ACVR1C: variants seen among roughly 807,000 people sequenced by gnomAD.
The protein encoded by ACVR1C is activin receptor type-1C.
In ACVR1C, 23 loss-of-function variants were observed where a neutral mutation model predicts 57.9. The observed-to-expected ratio is 0.40, with a 90% CI of 0.29 to 0.56. The LOEUF is 0.56. Ranked by LOEUF, ACVR1C falls within the 20% of genes least tolerant of loss-of-function variation. The pLI is 0.50. For missense variants in ACVR1C, 480 were observed against 607.9 expected (o/e 0.79, Z 2.21); for synonymous variants, 214 against 215.3 (o/e 0.99, Z 0.05).
intron 2 of ACVR1C, among the ~76,000 whole-genome samples, chr2:157,574,967 T>C (rs1441195215): frequency 5.3e-5 from 8 of 152,074 alleles, no homozygotes; most frequent in Non-Finnish European, 1.2e-4. Flanking sequence ...TATTTTTTAT[T>C]TAATTTTTTT....
rs948263524 is a variant in ACVR1C at position 157,592,054 on chromosome 2, T to C, written c.74-4637A>G. ...TGATAACTAATTAACAATTGAAAAC[T>C]AGGATTCTGATCTGTATTATTCTAA... On this transcript the variant is annotated intron_variant, in intron 1 of 8. Transcript: ENST00000243349. 2.6e-5 allele frequency among the ~76,000 whole-genome samples: 4 copies of C among 152,122 alleles called. No homozygotes were observed. In the East Asian group the frequency reaches 7.7e-4, roughly 29 times the overall value.
chr2:157,605,252 C>T (rs779152653), intron 1 of ACVR1C, among the ~76,000 whole-genome samples: 2 of 151,654 alleles, frequency 1.3e-5, no homozygotes, highest in Non-Finnish European at 3.0e-5. Flanking sequence ...CAATGTGCCT[C>T]TCCTTTTGTC....
intron 3 of ACVR1C, among the ~76,000 whole-genome samples, chr2:157,554,689 A>G (rs1688049107): frequency 6.6e-6 from 1 of 152,180 alleles, no homozygotes; most frequent in Non-Finnish European, 1.5e-5. Context: ...CTAAATATGG[A>G]TGCACATAGA....
intron 1 of ACVR1C, among the ~76,000 whole-genome samples, chr2:157,605,490 A>G (rs1682371644): frequency 6.6e-6 from 1 of 151,734 alleles, no homozygotes; most frequent in Admixed American, 6.6e-5. Context: ...TAATAAACTG[A>G]CAACACTGAG....
intron 2 of ACVR1C, among the ~76,000 whole-genome samples, chr2:157,566,515 G>C (rs999041767): frequency 1.3e-5 from 2 of 152,204 alleles, no homozygotes; most frequent in African/African-American, 2.4e-5. Flanking sequence ...CACCGTGCGC[G>C]AGCCGAAGCA....
chr2:157,591,022 T>C (rs1000075866), intron 1 of ACVR1C, among the ~76,000 whole-genome samples: 4 of 152,022 alleles, frequency 2.6e-5, no homozygotes, highest in African/African-American at 9.7e-5. Flanking sequence ...GGAAATACTA[T>C]ATAAAGACTT....
chr2:157,595,071 T>C lies in ACVR1C; in HGVS notation c.74-7654A>G, dbSNP rs769666832. On this transcript the variant is annotated intron_variant, in intron 1 of 8. Transcript: ENST00000243349. Reference sequence around the variant, plus strand: ...AAGAAAGCTTTTTCCAGAAATACCATGAATAACCTTAGCTGCTAAGCTCCT... The same window carrying C: ...AAGAAAGCTTTTTCCAGAAATACCACGAATAACCTTAGCTGCTAAGCTCCT... 8.5e-5 allele frequency among the ~76,000 whole-genome samples: 13 copies of C among 152,254 alleles called. 1 individual carries two copies. The highest frequency in any genetic ancestry group is 1.8e-4 in the Non-Finnish European group (12 of 68,036).
At chr2:157,622,974 G>T (rs1187636192) in intron 1 of ACVR1C, among the ~76,000 whole-genome samples, 6 of 152,072 alleles carry the variant, frequency 3.9e-5, no homozygotes, top group Non-Finnish European at 7.4e-5. Flanking sequence ...TTTCCCAAAA[G>T]ATGACATACA....
At chr2:157,542,909 T>C (rs1448053561) in intron 5 of ACVR1C, 47 bp from the exon 6 acceptor site, 2 of 1,562,060 alleles carry the variant, frequency 1.3e-6, no homozygotes, top group Non-Finnish European at 1.7e-6. Context: ...TACCGGAGAC[T>C]GTTCAAGAGA....
chr2:157,547,161 G>T (rs1687780607), intron 4 of ACVR1C, among the ~76,000 whole-genome samples: 1 of 131,118 alleles, frequency 7.6e-6, no homozygotes, highest in Non-Finnish European at 1.6e-5. Context: ...CATTTTTTAT[G>T]GCTGCATAGT....
chr2:157,592,673 G>T (rs1023400909), intron 1 of ACVR1C, among the ~76,000 whole-genome samples: 1 of 152,018 alleles, frequency 6.6e-6, no homozygotes, highest in Non-Finnish European at 1.5e-5. Flanking sequence ...CACTGCATTT[G>T]ACATATAATT....
Position 157,559,934 on chromosome 2 carries a change from AAG to A in ACVR1C, c.305-3604_305-3603del, listed in dbSNP as rs369378146. On this transcript the variant is annotated intron_variant, in intron 2 of 8. Transcript: ENST00000243349. ...GGAAGGAAGAAGGAAGGAAAAAGGA[AAG>A]AGAGAGAGAAGCAAGGAGGCAGGGA... 1.1e-3 allele frequency among the ~76,000 whole-genome samples: 168 copies of A among 151,784 alleles called. 1 individual carries two copies. The highest frequency in any genetic ancestry group is 3.9e-3 in the African/African-American group (162 of 41,394).
intron 2 of ACVR1C, among the ~76,000 whole-genome samples, chr2:157,562,214 G>A (rs901433978): frequency 6.6e-6 from 1 of 151,076 alleles, no homozygotes; most frequent in Non-Finnish European, 1.5e-5. Flanking sequence ...AGAATCGCTT[G>A]AACCCAGTAG....
intron 4 of ACVR1C, among the ~76,000 whole-genome samples, chr2:157,545,245 A>T (rs1687724073): frequency 6.6e-6 from 1 of 152,230 alleles, no homozygotes; most frequent in African/African-American, 2.4e-5. Context: ...ACTTTTCTAC[A>T]TATTAGTAGA....
chr2:157,544,669 GC>G, intron 4 of ACVR1C, 57 bp from the exon 5 acceptor site: 1 of 1,454,534 alleles, frequency 6.9e-7, no homozygotes, highest in Non-Finnish European at 9.4e-7. Flanking sequence ...GAAGCCAAAA[GC>G]TTTTAAAAAT....
chr2:157,553,907 G>A (rs1450790917), intron 3 of ACVR1C, among the ~76,000 whole-genome samples: 3 of 151,844 alleles, frequency 2.0e-5, no homozygotes, highest in Non-Finnish European at 4.4e-5. Flanking sequence ...ATGTGGCCAG[G>A]TGCAGTGGCT....
At chr2:157,625,675 G>A (rs1254051851) in intron 1 of ACVR1C, among the ~76,000 whole-genome samples, 1 of 152,046 alleles carries the variant, frequency 6.6e-6, no homozygotes, top group East Asian at 1.9e-4. Flanking sequence ...TGGTTATTAA[G>A]GAAATATTTA....
At position 157,529,392 on chromosome 2, in the gene ACVR1C, G is replaced by C. The variant is rs1687307345; in HGVS notation, c.*4526C>G. 2 of 152,022 alleles carry C rather than the reference G, an allele frequency of 1.3e-5. No individual in the cohort carries two copies. The highest frequency in any genetic ancestry group is 2.9e-5 in the Non-Finnish European group (2 of 67,956). 9.4% of individuals were successfully genotyped at this position (152,022 alleles called of 1,614,324 possible). On this transcript the variant is annotated 3_prime_UTR_variant, in exon 9 of 9. Transcript: ENST00000243349. ...TCTGAGTGAGTAAATTATTTTAGTA[G>C]AAACCCAAAGAAAAGTGGGATTTTA...
At chr2:157,534,145 T>TC (rs1573899518) in intron 8 of ACVR1C, 102 bp from the exon 9 acceptor site, 1 of 1,145,394 alleles carries the variant, frequency 8.7e-7, no homozygotes, top group East Asian at 3.0e-5. Context: ...CTAAGCTTTT[T>TC]TTTTTTTTTT....
Sources: gnomAD v4.1 joint callset for allele counts (sites outside exome capture counted in the v4.1 genomes callset) on GRCh38, gnomAD v4.1.1 for gene constraint, MANE v1.5 for transcripts, NCBI Gene and HGNC (gene_info 2026-07-23, HGNC 2026-07-21) for gene names.